ADAMTS2: variants seen among roughly 807,000 people sequenced by gnomAD.
The protein encoded by ADAMTS2 is ADAM metallopeptidase with thrombospondin type 1 motif 2, also known as A disintegrin and metalloproteinase with thrombospondin motifs 2.
A neutral mutation model predicts 123.0 loss-of-function variants in ADAMTS2; 50 were observed. The ratio of observed to expected loss-of-function variants is 0.41; its 90% confidence interval spans 0.32 to 0.51. The LOEUF (loss-of-function observed/expected upper bound fraction) is 0.51, where lower values mean the gene tolerates loss of function less well. ADAMTS2 is among the 20% of genes least tolerant of loss of function. The pLI, the probability that ADAMTS2 is intolerant of heterozygous loss-of-function variation, is 0.35. For missense variants in ADAMTS2, 1,494 were observed against 1,705.2 expected, an observed-to-expected ratio of 0.88 and a Z score of 2.18; for synonymous variants, 678 against 695.4, an observed-to-expected ratio of 0.98 and a Z score of 0.39.
intron 21 of ADAMTS2, 93 bp downstream of exon 21, chr5:179,121,568 C>T (rs1283092436): frequency 3.7e-6 from 4 of 1,081,326 alleles, no homozygotes; most frequent in Non-Finnish European, 5.3e-6. Context: ...GGGAGCTTTC[C>T]ATAGACAGAG....
At chr5:179,313,832 G>A (rs11744475) in intron 2 of ADAMTS2, among the ~76,000 whole-genome samples, 281 of 33,066 alleles carry the variant, frequency 8.5e-3, no homozygotes, top group South Asian at 0.046. Context: ...GGGCCTGGCC[G>A]GAGCAGGGGT....
chr5:179,329,942 A>C lies in ADAMTS2; in HGVS notation c.534+13825T>G, dbSNP rs1035102504. Among the ~76,000 whole-genome samples, 15 of 151,676 alleles carry C rather than the reference A, an allele frequency of 9.9e-5. No homozygotes were observed. The East Asian group carries it at 1.4e-3, about 14-fold the overall frequency. On this transcript the variant is annotated intron_variant, in intron 2 of 21. Coordinates refer to ENST00000251582, the MANE Select transcript of ADAMTS2 (RefSeq NM_014244.5). Reference sequence around the variant, plus strand: ...GAGATCGAGACCATCCTGGCTAACAAGGTGAAACCCCGTCTCTACTAAAAA... The same window carrying C: ...GAGATCGAGACCATCCTGGCTAACACGGTGAAACCCCGTCTCTACTAAAAA...
chr5:179,193,578 A>G (rs1581179923), intron 4 of ADAMTS2, among the ~76,000 whole-genome samples: 1 of 152,166 alleles, frequency 6.6e-6, no homozygotes, highest in South Asian at 2.1e-4. Flanking sequence ...GCATAAGGAC[A>G]CCCAGCCACG....
intron 2 of ADAMTS2, among the ~76,000 whole-genome samples, chr5:179,301,765 C>T (rs1191288175): frequency 1.3e-5 from 2 of 152,276 alleles, no homozygotes; most frequent in East Asian, 1.9e-4. Flanking sequence ...TGGGAAAAGA[C>T]ACAAATGAGG....
Position 179,124,953 on chromosome 5 carries a change from G to C in ADAMTS2, c.2958+20C>G. On this transcript the variant is annotated intron_variant, in intron 19 of 21. Coordinates refer to ENST00000251582, the MANE Select transcript of ADAMTS2 (RefSeq NM_014244.5). ...CCCTCAGTTTTGGAGCTGAGGACAC[G>C]GGATCGGGGGATTGCGTACCTGGGA... 6.3e-7 allele frequency: 1 copy of C among 1,597,984 alleles called. No homozygotes were observed. The highest frequency in any genetic ancestry group is 8.5e-7 in the Non-Finnish European group (1 of 1,176,088).
chr5:179,123,920 T>C (rs1484893914), intron 19 of ADAMTS2, among the ~76,000 whole-genome samples: 1 of 152,214 alleles, frequency 6.6e-6, no homozygotes, highest in Non-Finnish European at 1.5e-5. Flanking sequence ...CACACCTATG[T>C]AGCTGACCCC....
rs564130900 is a variant in ADAMTS2, at chr5:179,189,646, C to T, written c.892-8491G>A. ...TGCTGGGATTACAGGCGTGAGCCAC[C>T]GCGCCCGGCCAGGAGCAATTTTTTG... is the stretch of plus-strand genomic sequence containing the variant. On this transcript the variant is annotated intron_variant, in intron 4 of 21. Coordinates refer to ENST00000251582, the MANE Select transcript of ADAMTS2 (RefSeq NM_014244.5). This position sits in a 1 kb window ranked among gnomAD's most constrained non-coding sequence, Gnocchi z 4.2. 1.5e-4 allele frequency among the ~76,000 whole-genome samples: 23 copies of T among 151,342 alleles called. No homozygotes were observed. The highest frequency in any genetic ancestry group is 7.8e-4 in the East Asian group (4 of 5,142).
rs1179867469 is a variant in ADAMTS2 at position 179,332,539 on chromosome 5, GAACA to G, written c.534+11224_534+11227del. Among the ~76,000 whole-genome samples, 5 of 152,200 alleles carry G rather than the reference GAACA, an allele frequency of 3.3e-5. No individual in the cohort carries two copies. The highest frequency in any genetic ancestry group is 7.3e-5 in the Non-Finnish European group (5 of 68,034). On this transcript the variant is annotated intron_variant, in intron 2 of 21. Transcript: ENST00000251582. The surrounding 1 kb of genome is among the most constrained non-coding windows in gnomAD (Gnocchi z 4.2). ...CTCTGAGGCAGGAACCAGAGATGAA[GAACA>G]AACATACATTTATAATTTCCCACTA...
chr5:179,135,030 CTCCAG>C (rs1369775416), intron 13 of ADAMTS2, among the ~76,000 whole-genome samples: 10 of 135,252 alleles, frequency 7.4e-5, no homozygotes, highest in Admixed American at 1.5e-4. Flanking sequence ...CCGGCTCCAG[CTCCAG>C]CCCCCAGCTC....
rs79310342 is a variant in ADAMTS2, at chr5:179,143,099, C to A, written c.1630-3064G>T. On this transcript the variant is annotated intron_variant, in intron 10 of 21. Coordinates refer to ENST00000251582, the MANE Select transcript of ADAMTS2 (RefSeq NM_014244.5). Reference sequence around the variant, plus strand: ...AGGAGAGTACAGGAATGACGTGTCACCAAATGGAGAATCTCAGTAAAGAGA... The same window carrying A: ...AGGAGAGTACAGGAATGACGTGTCAACAAATGGAGAATCTCAGTAAAGAGA... Among the ~76,000 whole-genome samples the A allele has an allele frequency of 4.1e-3, 620 of 152,178 alleles. 4 individuals carry two copies. Among genetic ancestry groups the A allele is most frequent in the African/African-American group, 0.014 (579 of 41,524 alleles).
chr5:179,137,729 G>A, intron 12 of ADAMTS2, 40 bp downstream of exon 12: 1 of 1,522,288 alleles, frequency 6.6e-7, no homozygotes, highest in Non-Finnish European at 8.8e-7. Context: ...CCTAGGGCCT[G>A]CCTGCTGAGC....
chr5:179,250,740 G>A (rs982659417), intron 3 of ADAMTS2, among the ~76,000 whole-genome samples: 4 of 152,224 alleles, frequency 2.6e-5, no homozygotes, highest in African/African-American at 7.2e-5. Context: ...CCAAGAAGGG[G>A]AGCAAGTAGT....
intron 3 of ADAMTS2, among the ~76,000 whole-genome samples, chr5:179,252,164 C>T (rs927070208): frequency 5.3e-5 from 8 of 151,914 alleles, no homozygotes; most frequent in East Asian, 1.9e-4. Context: ...CATGCCACCA[C>T]GTGTAGCTAA....
rs555614498 is a variant in ADAMTS2 at position 179,263,063 on chromosome 5, G to A, written c.688+9848C>T. ...GTATTATTCCCCCATGATTTGGGGA[G>A]CAGCATTATTCCCCCATGATTTGGG... On this transcript the variant is annotated intron_variant, in intron 3 of 21. Transcript: ENST00000251582. Among the ~76,000 whole-genome samples, 16 of 147,650 alleles carry A rather than the reference G, an allele frequency of 1.1e-4. No individual in the cohort carries two copies. The South Asian group carries it at 2.7e-3, about 25-fold the overall frequency.
At chr5:179,263,662 C>G (rs1766288715) in intron 3 of ADAMTS2, among the ~76,000 whole-genome samples, 1 of 152,228 alleles carries the variant, frequency 6.6e-6, no homozygotes, top group Admixed American at 6.5e-5. Flanking sequence ...CCAAAGGGAC[C>G]AAGTCAAGAG....
At position 179,132,126 on chromosome 5, in the gene ADAMTS2, G is replaced by C; in HGVS notation, c.2290+104C>G. ...AGGGGCTGCCCTGGCTCAGGTCATG[G>C]CTGCACAACCCGGGCCCCTGACCCC... On this transcript the variant is annotated intron_variant, in intron 15 of 21. Transcript: ENST00000251582. This position sits in a 1 kb window ranked among gnomAD's most constrained non-coding sequence, Gnocchi z 6.1. The C allele has an allele frequency of 8.7e-7, 1 of 1,153,442 alleles. No homozygotes were observed. Among genetic ancestry groups the C allele is most frequent in the Non-Finnish European group, 1.3e-6 (1 of 784,054 alleles). 71.5% of individuals were successfully genotyped at this position (1,153,442 alleles called of 1,614,324 possible). A position where few individuals can be genotyped will look rare whatever the true frequency, so the allele number is the denominator to read the frequency against.
At chr5:179,153,673 C>G in intron 8 of ADAMTS2, 50 bp from the exon 9 acceptor site, 1 of 1,569,844 alleles carries the variant, frequency 6.4e-7, no homozygotes, top group Non-Finnish European at 8.6e-7. Context: ...GGCTGACCAT[C>G]CACAGCCCTG....
At chr5:179,192,757 C>T (rs1012436694) in intron 4 of ADAMTS2, among the ~76,000 whole-genome samples, 9 of 152,202 alleles carry the variant, frequency 5.9e-5, no homozygotes, top group African/African-American at 1.9e-4. Flanking sequence ...AACATTCCCA[C>T]GGGGCACCCT....
At position 179,234,213 on chromosome 5, in the gene ADAMTS2, C is replaced by T. The variant is rs577160192; in HGVS notation, c.689-26498G>A. On this transcript the variant is annotated intron_variant, in intron 3 of 21. Coordinates refer to ENST00000251582, the MANE Select transcript of ADAMTS2 (RefSeq NM_014244.5). The surrounding 1 kb of genome is among the most constrained non-coding windows in gnomAD (Gnocchi z 4.7). The stretch of plus-strand genomic sequence containing the variant: ...CCCCATCAGATGCCAGAGATATCAC[C>T]AGCCCTCGAGGCTTAACCCCTGCTC... Among the ~76,000 whole-genome samples, 1 of 152,296 alleles carries T rather than the reference C, an allele frequency of 6.6e-6. No individual in the cohort carries two copies. Among genetic ancestry groups the T allele is most frequent in the Non-Finnish European group, 1.5e-5 (1 of 68,020 alleles).
Sources: gnomAD v4.1 joint callset for allele counts (sites outside exome capture counted in the v4.1 genomes callset) on GRCh38, gnomAD v4.1.1 for gene constraint, Gnocchi (gnomAD v3.1) non-coding constraint, MANE v1.5 for transcripts, NCBI Gene and HGNC (gene_info 2026-07-23, HGNC 2026-07-21) for gene names.